EPHA6: variants seen among roughly 807,000 people sequenced by gnomAD.
EPHA6 encodes the protein ephrin type-A receptor 6.
A neutral mutation model predicts 112.0 loss-of-function variants in EPHA6; 50 were observed. The observed-to-expected ratio is 0.45, with a 90% CI of 0.36 to 0.56. EPHA6 has a LOEUF of 0.56. EPHA6 is among the 20% of genes least tolerant of loss of function. EPHA6 has a pLI of 0.00. For synonymous variants in EPHA6, 529 were observed against 490.7 expected (o/e 1.08, Z -1.03); for missense variants, 1,280 against 1,417.4 (o/e 0.90, Z 1.56).
chr3:97,501,789 A>C (rs2092123793), intron 10 of EPHA6, among the ~76,000 whole-genome samples: 1 of 152,108 alleles, frequency 6.6e-6, no homozygotes. Flanking sequence ...TTAGAAAAAG[A>C]GAAAGGGAAT....
chr3:97,236,227 G>A (rs2078675532), intron 4 of EPHA6, among the ~76,000 whole-genome samples: 1 of 151,656 alleles, frequency 6.6e-6, no homozygotes. Context: ...AGGCCAAAAG[G>A]GAAAAATAGT....
intron 11 of EPHA6, among the ~76,000 whole-genome samples, chr3:97,533,271 T>G (rs2092715870): frequency 6.6e-6 from 1 of 152,018 alleles, no homozygotes; most frequent in Non-Finnish European, 1.5e-5. Context: ...AAAAATAACT[T>G]CAATCCTTGA....
chr3:97,155,413 C>T (rs915179600), intron 3 of EPHA6, among the ~76,000 whole-genome samples: 3 of 152,168 alleles, frequency 2.0e-5, no homozygotes, highest in Non-Finnish European at 4.4e-5. Flanking sequence ...TTTGTCAGTA[C>T]ACTTCATGAC....
At chr3:97,353,346 TC>T (rs906603544) in intron 5 of EPHA6, among the ~76,000 whole-genome samples, 1 of 151,728 alleles carries the variant, frequency 6.6e-6, no homozygotes, top group Non-Finnish European at 1.5e-5. Context: ...GGCCACAGAC[TC>T]CTGTGGCACA....
intron 5 of EPHA6, among the ~76,000 whole-genome samples, chr3:97,316,379 A>G (rs1297697914): frequency 6.6e-6 from 1 of 151,912 alleles, no homozygotes; most frequent in African/African-American, 2.4e-5. Context: ...TATGCATTAC[A>G]TTGTGACCCC....
chr3:97,220,622 C>A (rs1003076247), intron 3 of EPHA6, among the ~76,000 whole-genome samples: 2 of 152,142 alleles, frequency 1.3e-5, no homozygotes, highest in African/African-American at 4.8e-5. Flanking sequence ...ACCATCTGAT[C>A]TTGTGAGAAC....
At chr3:96,863,896 G>T (rs889703991) in intron 1 of EPHA6, among the ~76,000 whole-genome samples, 1 of 152,120 alleles carries the variant, frequency 6.6e-6, no homozygotes, top group Middle Eastern at 3.4e-3. Flanking sequence ...TTTGTAGGTT[G>T]TACCAGTGAA....
chr3:97,547,301 C>T (rs2092965803), intron 11 of EPHA6, among the ~76,000 whole-genome samples: 1 of 152,190 alleles, frequency 6.6e-6, no homozygotes, highest in African/African-American at 2.4e-5. Flanking sequence ...CCCTTAGATG[C>T]AGGTCTGTTG....
At chr3:97,579,895 C>A (rs1197791526) in intron 11 of EPHA6, among the ~76,000 whole-genome samples, 1 of 151,980 alleles carries the variant, frequency 6.6e-6, no homozygotes, top group Non-Finnish European at 1.5e-5. Flanking sequence ...TTAAAAAAAA[C>A]TATTAACACA....
At chr3:96,890,546 G>T (rs1015307316) in intron 2 of EPHA6, among the ~76,000 whole-genome samples, 5 of 152,144 alleles carry the variant, frequency 3.3e-5, no homozygotes, top group Non-Finnish European at 5.9e-5. Context: ...ATATAAGGTT[G>T]TCATTGTAAA....
At chr3:96,978,453 C>A (rs938339154) in intron 2 of EPHA6, among the ~76,000 whole-genome samples, 1 of 152,068 alleles carries the variant, frequency 6.6e-6, no homozygotes, top group African/African-American at 2.4e-5. Flanking sequence ...TTTATACCTA[C>A]TAATGTTATA....
intron 5 of EPHA6, among the ~76,000 whole-genome samples, chr3:97,323,758 C>T (rs1392235130): frequency 6.6e-6 from 1 of 151,704 alleles, no homozygotes; most frequent in African/African-American, 2.4e-5. Context: ...AAAATCTTCC[C>T]CACAATAGCG....
chr3:97,392,649 G>T (rs775540656), intron 5 of EPHA6, among the ~76,000 whole-genome samples: 1 of 151,412 alleles, frequency 6.6e-6, no homozygotes, highest in Non-Finnish European at 1.5e-5. Context: ...CATAAAATTT[G>T]CATGTAAAGC....
intron 5 of EPHA6, among the ~76,000 whole-genome samples, chr3:97,310,262 A>G (rs1295158924): frequency 1.3e-5 from 2 of 151,754 alleles, no homozygotes; most frequent in East Asian, 1.9e-4. Flanking sequence ...CTTACAGAGG[A>G]TTTGCTGGCA....
At chr3:97,076,734 G>A (rs933852787) in intron 3 of EPHA6, among the ~76,000 whole-genome samples, 2 of 152,054 alleles carry the variant, frequency 1.3e-5, no homozygotes, top group African/African-American at 4.8e-5. Flanking sequence ...TGCTGTTACG[G>A]GCTAATGCAG....
At chr3:97,691,468 T>C (rs1484725525) in intron 14 of EPHA6, among the ~76,000 whole-genome samples, 1 of 152,226 alleles carries the variant, frequency 6.6e-6, no homozygotes, top group Admixed American at 6.5e-5. Flanking sequence ...CACAATTATT[T>C]TTAGCCCCTT....
chr3:97,330,000 C>T (rs1005529456), intron 5 of EPHA6, among the ~76,000 whole-genome samples: 31 of 152,070 alleles, frequency 2.0e-4, no homozygotes, highest in South Asian at 6.2e-4. Context: ...TTGTATAAGG[C>T]GTAAGGAAGG....
chr3:97,423,275 C>T (rs1289572950), intron 6 of EPHA6, among the ~76,000 whole-genome samples: 1 of 152,146 alleles, frequency 6.6e-6, no homozygotes, highest in African/African-American at 2.4e-5. Flanking sequence ...TGCCCAAAAG[C>T]TCCTAGATCT....
intron 3 of EPHA6, among the ~76,000 whole-genome samples, chr3:97,179,572 G>A (rs1576627728): frequency 6.6e-6 from 1 of 152,102 alleles, no homozygotes; most frequent in Non-Finnish European, 1.5e-5. Flanking sequence ...ACCTGCTTTA[G>A]TGGGGACCTC....
Sources: allele counts gnomAD v4.1 joint callset (sites outside exome capture counted in the v4.1 genomes callset), GRCh38; gene constraint gnomAD v4.1.1; transcripts MANE v1.5; gene names NCBI Gene and HGNC (gene_info 2026-07-23, HGNC 2026-07-21).